KLHL32: variants seen among roughly 807,000 people sequenced by gnomAD.
The protein encoded by KLHL32 is kelch-like protein 32.
A neutral mutation model predicts 64.8 loss-of-function variants in KLHL32; 35 were observed. That is an observed-to-expected ratio of 0.54 (90% CI 0.41 to 0.72). KLHL32 has a LOEUF of 0.72. Among genes scored for constraint, KLHL32 ranks in the 30% least tolerant of loss-of-function variants. KLHL32 has a pLI of 0.00. For missense variants in KLHL32, 589 were observed against 768.5 expected (o/e 0.77, Z 2.76); for synonymous variants, 259 against 281.0 (o/e 0.92, Z 0.78).
chr6:96,943,225 G>A (rs889259720), intron 1 of KLHL32, among the ~76,000 whole-genome samples: 3 of 152,010 alleles, frequency 2.0e-5, no homozygotes, highest in Non-Finnish European at 2.9e-5. Context: ...GTAAAGGACT[G>A]TGATAGGGCC....
chr6:96,958,895 G>A (rs1773575935), intron 1 of KLHL32, among the ~76,000 whole-genome samples: 2 of 152,188 alleles, frequency 1.3e-5, no homozygotes, highest in Non-Finnish European at 2.9e-5. Context: ...CCTCAGGGAT[G>A]GAGTGTTGGG....
intron 1 of KLHL32, among the ~76,000 whole-genome samples, chr6:96,940,300 A>G (rs1771128588): frequency 8.5e-5 from 13 of 152,210 alleles, no homozygotes; most frequent in Admixed American, 8.5e-4. Flanking sequence ...TAGATCAATT[A>G]AATCTCAAGG....
intron 3 of KLHL32, among the ~76,000 whole-genome samples, chr6:97,021,022 T>C (rs1029061859): frequency 1.3e-5 from 2 of 150,646 alleles, no homozygotes; most frequent in African/African-American, 5.0e-5. Context: ...TGTATTAGAG[T>C]CCTCCAGAGA....
At chr6:97,127,866 A>G (rs184533651) in intron 8 of KLHL32, among the ~76,000 whole-genome samples, 384 of 152,342 alleles carry the variant, frequency 2.5e-3, no homozygotes, top group Non-Finnish European at 3.8e-3. Context: ...GTAGAAGTAT[A>G]TGAAGAATCT....
the KLHL32 span, among the ~76,000 whole-genome samples, chr6:96,905,544 G>A: frequency 6.6e-6 from 1 of 152,110 alleles, no homozygotes; most frequent in South Asian, 2.1e-4. Flanking sequence ...GCATAATTTT[G>A]TGGTAAGCTC....
At chr6:97,091,981 C>CTTTTTTTTTTTTTTT (rs11340950) in intron 6 of KLHL32, among the ~76,000 whole-genome samples, 2 of 132,380 alleles carry the variant, frequency 1.5e-5, no homozygotes, top group Non-Finnish European at 3.3e-5. Flanking sequence ...CTCTTTCTTT[C>CTTTTTTTTTTTTTTT]TTTTTTTTTT....
chr6:97,044,455 C>A (rs1785614406), intron 4 of KLHL32, among the ~76,000 whole-genome samples: 1 of 151,884 alleles, frequency 6.6e-6, no homozygotes, highest in Non-Finnish European at 1.5e-5. Flanking sequence ...TGGATATTGG[C>A]CTGGAATTTT....
chr6:97,085,247 G>A lies in KLHL32; in HGVS notation c.533G>A (p.Arg178His), dbSNP rs766818945. Residue 178 changes from arginine to histidine, a missense_variant, in exon 6 of 11, where the codon CGC (arginine) becomes CAC (histidine). Coordinates refer to ENST00000369261, the MANE Select transcript of KLHL32 (RefSeq NM_052904.4). Reference sequence around the variant, plus strand: ...CATCTCTCTGAACTCCTGAAGAGCCGCCCAGAAGAAGTTCTAACGCTTCCC... The same window carrying A: ...CATCTCTCTGAACTCCTGAAGAGCCACCCAGAAGAAGTTCTAACGCTTCCC... The part of the protein sequence containing the change: ...VKHLSELLKS[R>H]PEEVLTLPYC... 35 of 1,613,776 alleles carry A rather than the reference G, an allele frequency of 2.2e-5. No homozygotes were observed. The highest frequency in any genetic ancestry group is 2.7e-5 in the African/African-American group (2 of 74,880).
chr6:97,003,671 A>G (rs1779320643), intron 3 of KLHL32, among the ~76,000 whole-genome samples: 1 of 152,084 alleles, frequency 6.6e-6, no homozygotes, highest in East Asian at 1.9e-4. Context: ...TTTTGTATAT[A>G]CTGTAAGGAA....
At chr6:97,049,458 C>A (rs148465410) in intron 4 of KLHL32, among the ~76,000 whole-genome samples, 9 of 152,118 alleles carry the variant, frequency 5.9e-5, no homozygotes, top group Non-Finnish European at 7.4e-5. Context: ...TGCATCATGC[C>A]ACTCAGAATG....
intron 3 of KLHL32, among the ~76,000 whole-genome samples, chr6:96,987,609 G>T (rs1582599891): frequency 6.6e-6 from 1 of 152,100 alleles, no homozygotes; most frequent in Admixed American, 6.6e-5. Flanking sequence ...CTACTTTAAA[G>T]TTCATATGGA....
chr6:96,943,688 C>T (rs2128001770), intron 1 of KLHL32, among the ~76,000 whole-genome samples: 1 of 152,318 alleles, frequency 6.6e-6, no homozygotes, highest in South Asian at 2.1e-4. Context: ...TGTAGTGCCT[C>T]GCACAAACAC....
intron 1 of KLHL32, among the ~76,000 whole-genome samples, chr6:96,938,181 G>A (rs1770841327): frequency 6.6e-6 from 1 of 152,150 alleles, no homozygotes; most frequent in South Asian, 2.1e-4. Flanking sequence ...CATTCTCAAA[G>A]CATCACAGCT....
At chr6:97,108,015 T>G (rs571596801) in intron 6 of KLHL32, among the ~76,000 whole-genome samples, 2 of 152,270 alleles carry the variant, frequency 1.3e-5, no homozygotes, top group South Asian at 2.1e-4. Context: ...GTCAGATGAA[T>G]TGGGTCAGGC....
intron 1 of KLHL32, among the ~76,000 whole-genome samples, chr6:96,930,657 G>A (rs563370074): frequency 8.5e-5 from 13 of 152,058 alleles, no homozygotes; most frequent in Admixed American, 2.0e-4. Flanking sequence ...TGCCGACCTT[G>A]GAGCAGAGCT....
chr6:96,948,704 A>G (rs531894929), intron 1 of KLHL32, among the ~76,000 whole-genome samples: 6 of 152,264 alleles, frequency 3.9e-5, no homozygotes, highest in African/African-American at 1.4e-4. Flanking sequence ...CATTAGGAAA[A>G]TTAGGATTGA....
At chr6:96,936,713 T>A (rs965804032) in intron 1 of KLHL32, among the ~76,000 whole-genome samples, 4 of 152,230 alleles carry the variant, frequency 2.6e-5, no homozygotes, top group African/African-American at 9.6e-5. Context: ...TTTTAAAACC[T>A]GAATGAGGCT....
the KLHL32 span, chr6:96,914,779 G>C: frequency 6.6e-6 from 1 of 152,044 alleles, no homozygotes; most frequent in Non-Finnish European, 1.5e-5. Flanking sequence ...ATCATCATGG[G>C]AGTTTTTACC....
intron 7 of KLHL32, among the ~76,000 whole-genome samples, chr6:97,119,814 C>T (rs756933976): frequency 1.3e-5 from 2 of 152,048 alleles, no homozygotes; most frequent in African/African-American, 4.8e-5. Context: ...GTAACAGCCT[C>T]ATTTTTTCAT....
Sources: gnomAD v4.1 joint callset for allele counts (sites outside exome capture counted in the v4.1 genomes callset) on GRCh38, gnomAD v4.1.1 for gene constraint, MANE v1.5 for transcripts, NCBI Gene and HGNC (gene_info 2026-07-23, HGNC 2026-07-21) for gene names.